Variants in FRAS1 observed in about 807,000 individuals in gnomAD.
FRAS1 encodes Fraser extracellular matrix complex subunit 1, also known as extracellular matrix organizing protein FRAS1.
A neutral mutation model predicts 435.2 loss-of-function variants in FRAS1; 290 were observed. The ratio of observed to expected loss-of-function variants is 0.67; its 90% CI spans 0.61 to 0.73. The LOEUF (loss-of-function observed/expected upper bound fraction) is 0.73. Among genes scored for constraint, FRAS1 ranks in the 30% least tolerant of loss-of-function variants. The pLI is 0.00. For synonymous variants in FRAS1, 1,800 were observed against 1,851.0 expected, an observed-to-expected ratio of 0.97 and a Z score of 0.71; for missense variants, 4,860 against 5,001.5, an observed-to-expected ratio of 0.97 and a Z score of 0.85.
At chr4:78,338,945 C>T (rs541348630) in intron 20 of FRAS1, among the ~76,000 whole-genome samples, 7 of 152,310 alleles carry the variant, frequency 4.6e-5, no homozygotes, top group Non-Finnish European at 8.8e-5. Context: ...ACCAAACTGT[C>T]AAGCACAGGG....
chr4:78,464,385 G>A, intron 48 of FRAS1, 58 bp from the exon 49 acceptor site: 4 of 1,603,014 alleles, frequency 2.5e-6, no homozygotes, highest in Non-Finnish European at 3.4e-6. Context: ...ACCTACCTTG[G>A]ACTTGTTGGG....
intron 35 of FRAS1, among the ~76,000 whole-genome samples, chr4:78,424,965 C>A (rs1185018528): frequency 6.6e-6 from 1 of 151,928 alleles, no homozygotes; most frequent in Non-Finnish European, 1.5e-5. Context: ...AGCCCAATTT[C>A]AACATGTCCT....
At chr4:78,474,058 G>A (rs920098196) in intron 53 of FRAS1, among the ~76,000 whole-genome samples, 2 of 152,154 alleles carry the variant, frequency 1.3e-5, no homozygotes, top group Non-Finnish European at 2.9e-5. Context: ...TTCAAGTTTG[G>A]AAAATAATCA....
intron 30 of FRAS1, among the ~76,000 whole-genome samples, chr4:78,403,401 C>A (rs956171888): frequency 6.6e-6 from 1 of 152,084 alleles, no homozygotes; most frequent in Non-Finnish European, 1.5e-5. Context: ...TCCGTGTATC[C>A]AGAGCCCCCT....
intron 2 of FRAS1, among the ~76,000 whole-genome samples, chr4:78,171,775 TCA>T (rs1272181016): frequency 2.6e-5 from 4 of 152,176 alleles, no homozygotes; most frequent in Non-Finnish European, 5.9e-5. Context: ...TAGCCTTTTC[TCA>T]CAGTCTGACT....
chr4:78,222,535 A>G (rs1033794490), intron 2 of FRAS1, among the ~76,000 whole-genome samples: 1 of 152,236 alleles, frequency 6.6e-6, no homozygotes, highest in Non-Finnish European at 1.5e-5. Context: ...TGGCGATGCT[A>G]ATAAGTCCCA....
intron 16 of FRAS1, 37 bp downstream of exon 16, chr4:78,315,771 A>G: frequency 6.2e-7 from 1 of 1,611,032 alleles, no homozygotes; most frequent in Non-Finnish European, 8.5e-7. Context: ...ATCAAAAAGT[A>G]TTGAGTACAT....
In FRAS1 at chr4:78,179,218, A is replaced by C. The variant is rs77744232; in HGVS notation, c.109-58292A>C. Among the ~76,000 whole-genome samples the C allele has an allele frequency of 7.3e-3, 1,115 of 152,320 alleles. 8 individuals are homozygous for C. The highest frequency in any genetic ancestry group is 0.012 in the Non-Finnish European group (789 of 68,024). On this transcript the variant is annotated intron_variant, in intron 2 of 73. Transcript: ENST00000512123. ...AAATGGAATGGAATGGGAAAATGCCATTGTTCTCACCGACTGGAAGTGTAT... is the reference window on the plus strand; with the variant it reads ...AAATGGAATGGAATGGGAAAATGCCCTTGTTCTCACCGACTGGAAGTGTAT...
At chr4:78,422,286 A>G (rs998178564) in intron 34 of FRAS1, among the ~76,000 whole-genome samples, 77 of 152,040 alleles carry the variant, frequency 5.1e-4, no homozygotes, top group Non-Finnish European at 1.3e-4. Flanking sequence ...GCAAGCAAAA[A>G]GAGGCATAGA....
At chr4:78,172,808 G>A (rs1322815985) in intron 2 of FRAS1, among the ~76,000 whole-genome samples, 1 of 151,310 alleles carries the variant, frequency 6.6e-6, no homozygotes, top group African/African-American at 2.4e-5. Context: ...AAGAACATTA[G>A]TCTATTGAGA....
At chr4:78,485,638 C>T (rs564945432) in intron 58 of FRAS1, among the ~76,000 whole-genome samples, 60 of 152,166 alleles carry the variant, frequency 3.9e-4, no homozygotes, top group Non-Finnish European at 7.5e-4. Flanking sequence ...TGTGAACATT[C>T]TAGGGTAGAA....
At chr4:78,289,147 T>C (rs1727760715) in intron 14 of FRAS1, among the ~76,000 whole-genome samples, 1 of 152,174 alleles carries the variant, frequency 6.6e-6, no homozygotes, top group Non-Finnish European at 1.5e-5. Flanking sequence ...CAGTTAAACA[T>C]GGCTCTTCAA....
Position 78,436,420 on chromosome 4 carries a change from C to T in FRAS1, c.5218-2150C>T, listed in dbSNP as rs537398061. On this transcript the variant is annotated intron_variant, in intron 38 of 73. Transcript: ENST00000512123. ...TTTGGGAAGGAATTTGGCATTGCCA[C>T]GTGAAGATGAATATTCATATACCCT... is the stretch of plus-strand genomic sequence containing the variant. 4.6e-5 allele frequency among the ~76,000 whole-genome samples: 7 copies of T among 152,292 alleles called. No homozygotes were observed. In the South Asian group the frequency reaches 1.0e-3, roughly 23 times the overall value.
chr4:78,474,513 T>C (rs1052200028), intron 53 of FRAS1, among the ~76,000 whole-genome samples: 4 of 152,216 alleles, frequency 2.6e-5, no homozygotes, highest in African/African-American at 9.6e-5. Flanking sequence ...AGAGGAAAAT[T>C]AGAATCAACT....
chr4:78,073,672 T>C (rs1328878784), intron 2 of FRAS1, among the ~76,000 whole-genome samples: 3 of 152,218 alleles, frequency 2.0e-5, no homozygotes, highest in Non-Finnish European at 4.4e-5. Flanking sequence ...TATGGTATTA[T>C]CATGTTATAG....
At chr4:78,510,131 G>A (rs1339465584) in intron 63 of FRAS1, among the ~76,000 whole-genome samples, 4 of 152,036 alleles carry the variant, frequency 2.6e-5, no homozygotes, top group Admixed American at 6.6e-5. Flanking sequence ...AATCAACATG[G>A]CAAGAATTAC....
At chr4:78,113,744 G>A (rs1194605957) in intron 2 of FRAS1, among the ~76,000 whole-genome samples, 2 of 152,112 alleles carry the variant, frequency 1.3e-5, no homozygotes, top group African/African-American at 2.4e-5. Flanking sequence ...TGTTAGATGA[G>A]TAGATTGCAA....
rs754165139 is a variant in FRAS1 at position 78,481,899 on chromosome 4, A to G, written c.8539A>G (p.Thr2847Ala). The change falls in exon 57 of 74, where the codon ACA becomes GCA. Residue 2847 changes from threonine to alanine, a missense_variant. Physicochemically the swap from Thr to Ala is moderately conservative, Grantham distance 58. Transcript: ENST00000512123. ...ATRPSDPASA[T>A]PGVDYVPSSR... is the part of the protein sequence containing the mutation. ...GCGGCCCTCAGACCCAGCTTCTGCCACACCAGGAGTTGACTACGTTCCCAG... is the reference window on the plus strand; with the variant it reads ...GCGGCCCTCAGACCCAGCTTCTGCCGCACCAGGAGTTGACTACGTTCCCAG... The G allele has an allele frequency of 2.0e-5, 33 of 1,613,708 alleles. 1 individual carries two copies. The South Asian group carries it at 3.3e-4, about 16-fold the overall frequency.
chr4:78,487,967 G>A (rs1197653487), intron 58 of FRAS1, among the ~76,000 whole-genome samples: 1 of 152,122 alleles, frequency 6.6e-6, no homozygotes, highest in Non-Finnish European at 1.5e-5. Flanking sequence ...TTAAGTCAAA[G>A]GAGGATTTGA....
Sources: allele counts gnomAD v4.1 joint callset (sites outside exome capture counted in the v4.1 genomes callset), GRCh38; gene constraint gnomAD v4.1.1; transcripts MANE v1.5; gene names NCBI Gene and HGNC (gene_info 2026-07-23, HGNC 2026-07-21).